The following TANC1 variants were observed in gnomAD, a reference collection of about 807,000 sequenced individuals.
TANC1 encodes protein TANC1.
In TANC1, 77 loss-of-function variants were observed where a neutral mutation model predicts 149.7. That is an observed-to-expected ratio of 0.51 (90% CI 0.43 to 0.62). TANC1 has a LOEUF of 0.62. TANC1 is among the 20% of genes least tolerant of loss of function. TANC1 has a pLI of 0.00. For synonymous variants in TANC1, 854 were observed against 925.0 expected, an observed-to-expected ratio of 0.92 and a Z score of 1.39; for missense variants, 1,985 against 2,321.8, an observed-to-expected ratio of 0.85 and a Z score of 2.98.
chr2:159,173,518 T>C (rs1349191482), intron 11 of TANC1, among the ~76,000 whole-genome samples: 2 of 152,146 alleles, frequency 1.3e-5, no homozygotes, highest in African/African-American at 4.8e-5. Flanking sequence ...GGCGGGAGAA[T>C]CACTTGAACT....
chr2:158,989,996 A>T (rs1383146711), intron 1 of TANC1, among the ~76,000 whole-genome samples: 1 of 151,498 alleles, frequency 6.6e-6, no homozygotes, highest in Non-Finnish European at 1.5e-5. Flanking sequence ...GTTCACTGCA[A>T]CCTCCACCTC....
At chr2:159,172,406 G>A in intron 11 of TANC1, 134 bp downstream of exon 11, 2 of 816,714 alleles carry the variant, frequency 2.4e-6, no homozygotes, top group Non-Finnish European at 1.9e-6. Context: ...TAATGAAATA[G>A]TGATACAGTT....
At position 159,136,035 on chromosome 2, in the gene TANC1, T is replaced by C. The variant is rs1029025894; in HGVS notation, c.260-159T>C. ...GTGTGTGTGTGTGTGTGTGTGTGTG[T>C]GTGTGTGTGTGTGTGCGCGCGCGCG... is the stretch of plus-strand genomic sequence containing the variant. On this transcript the variant is annotated intron_variant, in intron 4 of 26. Transcript: ENST00000263635. 7.6e-5 allele frequency among the ~76,000 whole-genome samples: 5 copies of C among 66,144 alleles called. 2 individuals carry two copies. The highest frequency in any genetic ancestry group is 2.0e-4 in the African/African-American group (5 of 25,086). 43.4% of individuals were successfully genotyped at this position (66,144 alleles called of 152,430 possible). A position where few individuals can be genotyped will look rare whatever the true frequency, so the allele number is the denominator to read the frequency against.
At chr2:159,082,754 G>C (rs999994522) in intron 3 of TANC1, among the ~76,000 whole-genome samples, 19 of 152,182 alleles carry the variant, frequency 1.2e-4, no homozygotes, top group Non-Finnish European at 2.6e-4. Context: ...AGAAACCTGT[G>C]TGTCTTCAAA....
intron 1 of TANC1, among the ~76,000 whole-genome samples, chr2:158,973,786 ATGT>A (rs985518121): frequency 4.6e-5 from 7 of 152,184 alleles, no homozygotes; most frequent in African/African-American, 1.4e-4. Flanking sequence ...AAGATTCTTA[ATGT>A]TGTTGTGATG....
chr2:158,972,711 CAAT>C (rs1224214583), intron 1 of TANC1, among the ~76,000 whole-genome samples: 1 of 152,088 alleles, frequency 6.6e-6, no homozygotes, highest in Non-Finnish European at 1.5e-5. Flanking sequence ...GTTTAAACCT[CAAT>C]AAGAAGATGT....
At chr2:158,986,028 T>C (rs1392965819) in intron 1 of TANC1, among the ~76,000 whole-genome samples, 1 of 152,158 alleles carries the variant, frequency 6.6e-6, no homozygotes, top group African/African-American at 2.4e-5. Context: ...TTCTCTCCTG[T>C]TTGCTTGGAG....
chr2:159,020,018 C>T lies in TANC1; in HGVS notation c.-16+18829C>T, dbSNP rs117644911. On this transcript the variant is annotated intron_variant, in intron 2 of 26. Transcript: ENST00000263635. ...TAATTTAACACAAAATAAAACTAGT[C>T]GATTTTGAGAGGATTGTATCTTTTC... 1.9e-4 allele frequency among the ~76,000 whole-genome samples: 29 copies of T among 152,208 alleles called. No individual in the cohort carries two copies. The East Asian group carries it at 4.6e-3, about 24-fold the overall frequency.
intron 3 of TANC1, among the ~76,000 whole-genome samples, chr2:159,069,212 T>C (rs2042930740): frequency 6.6e-6 from 1 of 152,202 alleles, no homozygotes. Context: ...GAGAATGTAA[T>C]TTTTAAAACT....
chr2:159,192,554 G>A (rs766133873), intron 16 of TANC1, among the ~76,000 whole-genome samples: 28 of 152,178 alleles, frequency 1.8e-4, no homozygotes, highest in African/African-American at 6.0e-4. Flanking sequence ...CAATATCAAC[G>A]AGGAACTTAT....
rs2060252787 is a variant in TANC1, at chr2:159,229,984, C to A, written c.4558C>A (p.Gln1520Lys). ...CAAGTCCCTGAGAGAGCCTGTGGCC[C>A]AGCCAGGGCTGCTCCTGCAGCCCTC... ...IGKSLREPVA[Q>K]PGLLLQPSKQ... The change falls in exon 27 of 27, where the codon CAG becomes AAG. Residue 1520 changes from glutamine to lysine, a missense_variant. By Grantham distance (53) the Gln-to-Lys change is moderately conservative. Transcript: ENST00000263635. 6.2e-7 allele frequency: 1 copy of A among 1,613,942 alleles called. No individual in the cohort carries two copies. Among genetic ancestry groups the A allele is most frequent in the African/African-American group, 1.3e-5 (1 of 74,944 alleles).
chr2:159,159,439 C>CAAA (rs34576502), intron 7 of TANC1, among the ~76,000 whole-genome samples: 2 of 93,014 alleles, frequency 2.2e-5, no homozygotes, highest in African/African-American at 4.8e-5. Flanking sequence ...GACCCTGTCT[C>CAAA]AAAAAAAAAA....
rs111308152 is a variant in TANC1, at chr2:159,186,956, G to A, written c.2674G>A (p.Gly892Ser). The A allele has an allele frequency of 4.5e-5, 73 of 1,614,142 alleles. No individual in the cohort carries two copies. The African/African-American group carries it at 6.4e-4, about 14-fold the overall frequency. Residue 892 changes from glycine to serine, a missense_variant, in exon 16 of 27, where the codon GGC becomes AGC. Coordinates refer to ENST00000263635, the MANE Select transcript of TANC1 (RefSeq NM_033394.3). ...AAGCCATCTCCAAGCCCTGTGGATC[G>A]GCTACAGCACCGAGGGGCTGTCCGC... is the stretch of plus-strand genomic sequence containing the variant. Reference protein sequence around the residue: ...SSSHLQALWIGYSTEGLSAAL... With the variant: ...SSSHLQALWISYSTEGLSAAL...
At chr2:159,143,755 A>T (rs1269274769) in intron 5 of TANC1, among the ~76,000 whole-genome samples, 1 of 152,086 alleles carries the variant, frequency 6.6e-6, no homozygotes, top group Non-Finnish European at 1.5e-5. Flanking sequence ...AAGTTATACA[A>T]ATCCAGCTGT....
intron 1 of TANC1, among the ~76,000 whole-genome samples, chr2:158,997,138 T>C (rs987166748): frequency 3.9e-5 from 6 of 152,200 alleles, no homozygotes; most frequent in Non-Finnish European, 7.3e-5. Flanking sequence ...CTATAAAAAC[T>C]ACAAAAAGAA....
intron 2 of TANC1, among the ~76,000 whole-genome samples, chr2:159,035,529 A>G (rs891606801): frequency 6.6e-6 from 1 of 152,250 alleles, no homozygotes; most frequent in Non-Finnish European, 1.5e-5. Context: ...ATCTCAAGGC[A>G]TAGTTTCTTT....
At chr2:159,148,893 G>T (rs1222748063) in intron 5 of TANC1, 1 of 332,348 alleles carries the variant, frequency 3.0e-6, no homozygotes, top group Non-Finnish European at 5.4e-6. Flanking sequence ...AGGAATTGCC[G>T]TCAGATAACA....
At chr2:158,980,737 T>C (rs1045363746) in intron 1 of TANC1, among the ~76,000 whole-genome samples, 1 of 149,406 alleles carries the variant, frequency 6.7e-6, no homozygotes, top group Non-Finnish European at 1.5e-5. Context: ...ATCATGCCAC[T>C]GCACTCCAGC....
In TANC1 at chr2:159,196,589, C is replaced by T. The variant is rs770409609; in HGVS notation, c.2980-19C>T. ...CAAAGTAATGCTCAGCTGTAACCTT[C>T]CCCTACTCCTGCCCCCAGGTGGACC... On this transcript the variant is annotated intron_variant, in intron 17 of 26. Coordinates refer to ENST00000263635, the MANE Select transcript of TANC1 (RefSeq NM_033394.3). The T allele has an allele frequency of 2.5e-6, 4 of 1,586,104 alleles. No individual in the cohort carries two copies. In the East Asian group the frequency reaches 9.0e-5, roughly 36 times the overall value.
Sources: allele counts gnomAD v4.1 joint callset (sites outside exome capture counted in the v4.1 genomes callset), GRCh38; gene constraint gnomAD v4.1.1; transcripts MANE v1.5; gene names NCBI Gene and HGNC (gene_info 2026-07-23, HGNC 2026-07-21).